The following IRAK1BP1 variants were observed in gnomAD, a reference collection of about 807,000 sequenced individuals.
The protein encoded by IRAK1BP1 is interleukin 1 receptor associated kinase 1 binding protein 1.
In IRAK1BP1, 24 loss-of-function variants were observed where a neutral mutation model predicts 28.0. The observed-to-expected ratio is 0.86, with a 90% CI of 0.62 to 1.20. The LOEUF (loss-of-function observed/expected upper bound fraction) is 1.20. Ranked by LOEUF, IRAK1BP1 falls within the 50% of genes most tolerant of loss-of-function variation. IRAK1BP1 has a pLI of 0.00. For missense variants in IRAK1BP1, 336 were observed against 316.7 expected, an observed-to-expected ratio of 1.06 and a Z score of -0.46; for synonymous variants, 131 against 116.3, an observed-to-expected ratio of 1.13 and a Z score of -0.81.
chr6:78,910,067 G>A (rs925096081), intron 4 of IRAK1BP1, among the ~76,000 whole-genome samples: 7 of 152,230 alleles, frequency 4.6e-5, no homozygotes, highest in Middle Eastern at 3.4e-3. Context: ...TAATACTAAC[G>A]ATGACCCTTC....
In IRAK1BP1 at chr6:78,871,377, C is replaced by G. The variant is rs77393841; in HGVS notation, c.315+3486C>G. On this transcript the variant is annotated intron_variant, in intron 1 of 3. Transcript: ENST00000369940. ...CCCCTTTAACCCATTGCAGTATGAG[C>G]AAGACTACTGTAAGATTCCTTTAAC... 1,115 of 985,280 alleles carry G rather than the reference C, an allele frequency of 1.1e-3. 15 individuals carry two copies. In the African/African-American group the frequency reaches 0.018, roughly 16 times the overall value. 61.0% of individuals were successfully genotyped at this position (985,280 alleles called of 1,614,324 possible). A position where few individuals can be genotyped will look rare whatever the true frequency, so the allele number is the denominator to read the frequency against.
At chr6:78,933,197 G>T (rs1042697686) in intron 4 of IRAK1BP1, among the ~76,000 whole-genome samples, 1 of 152,176 alleles carries the variant, frequency 6.6e-6, no homozygotes, top group Non-Finnish European at 1.5e-5. Context: ...ACCAATATAA[G>T]GATGTTTCAT....
At chr6:78,950,301 A>T (rs1219858198), downstream of IRAK1BP1, among the ~76,000 whole-genome samples, 1 of 152,170 alleles carries the variant, frequency 6.6e-6, no homozygotes, top group African/African-American at 2.4e-5. Flanking sequence ...ATTTCGTTAA[A>T]GGTTTTTCTT....
the IRAK1BP1 span, chr6:78,970,227 A>G: frequency 4.0e-6 from 6 of 1,487,516 alleles, no homozygotes; most frequent in Non-Finnish European, 5.6e-6. Flanking sequence ...ACCACAAAAT[A>G]GACTGCTAAA....
the IRAK1BP1 span, among the ~76,000 whole-genome samples, chr6:78,953,185 A>C: frequency 1.3e-4 from 20 of 152,282 alleles, no homozygotes; most frequent in Non-Finnish European, 2.1e-4. Context: ...TGACACTAGA[A>C]CCACTGGGGG....
At chr6:78,919,062 A>G (rs1268626104) in intron 4 of IRAK1BP1, among the ~76,000 whole-genome samples, 3 of 152,232 alleles carry the variant, frequency 2.0e-5, no homozygotes, top group Admixed American at 2.0e-4. Context: ...TCAAAACCAC[A>G]CAATTACAGG....
the IRAK1BP1 span, chr6:78,955,784 T>TG: frequency 6.0e-6 from 3 of 503,308 alleles, no homozygotes; most frequent in Non-Finnish European, 1.1e-5. Context: ...AAGTTGAAGC[T>TG]GAAGGCTTGC....
At chr6:78,974,783 T>A in the IRAK1BP1 span, among the ~76,000 whole-genome samples, 11 of 151,548 alleles carry the variant, frequency 7.3e-5, no homozygotes, top group African/African-American at 2.7e-4. Flanking sequence ...AAGAAATGGA[T>A]AAATTCCTTG....
chr6:78,968,623 GTATTA>G, the IRAK1BP1 span, among the ~76,000 whole-genome samples: 2 of 152,164 alleles, frequency 1.3e-5, no homozygotes, highest in Non-Finnish European at 1.5e-5. Context: ...AAAAGTATGT[GTATTA>G]TATTTAATCC....
intron 1 of IRAK1BP1, among the ~76,000 whole-genome samples, chr6:78,878,244 G>A (rs1250757655): frequency 6.6e-6 from 1 of 152,210 alleles, no homozygotes; most frequent in Admixed American, 6.5e-5. Context: ...GCACCTCCCA[G>A]TAGGGGCCAA....
chr6:78,914,492 C>A (rs1053421227), intron 4 of IRAK1BP1, among the ~76,000 whole-genome samples: 6 of 152,198 alleles, frequency 3.9e-5, no homozygotes, highest in Non-Finnish European at 8.8e-5. Context: ...AGATGCAAAG[C>A]ATTACGCAGT....
rs188457862 is a variant in IRAK1BP1 at position 78,902,969 on chromosome 6, T to C, written c.*4635T>C. On this transcript the variant is annotated 3_prime_UTR_variant, in exon 4 of 4. Coordinates refer to ENST00000369940, the MANE Select transcript of IRAK1BP1 (RefSeq NM_001010844.4). ...AATAAAACTCTTATAAACCTGTTTA[T>C]CAGAAGGATATTTCTGTTTCAGCAA... 21 of 1,205,414 alleles carry C rather than the reference T, an allele frequency of 1.7e-5. No individual in the cohort carries two copies. In the East Asian group the frequency reaches 5.3e-4, roughly 31 times the overall value. The allele number at this position is 1,205,414 out of a possible 1,614,324, so 74.7% of individuals were successfully genotyped here. A position where few individuals can be genotyped will look rare whatever the true frequency, so the allele number is the denominator to read the frequency against.
At chr6:78,872,475 C>T (rs1770827095) in intron 1 of IRAK1BP1, among the ~76,000 whole-genome samples, 1 of 152,176 alleles carries the variant, frequency 6.6e-6, no homozygotes, top group South Asian at 2.1e-4. Context: ...ACAGGTTAAG[C>T]ATCCCATCCA....
At chr6:78,873,374 TAA>T (rs894420524) in intron 1 of IRAK1BP1, among the ~76,000 whole-genome samples, 4 of 152,096 alleles carry the variant, frequency 2.6e-5, no homozygotes, top group African/African-American at 9.7e-5. Context: ...TTCAAAATCT[TAA>T]AGTTTTGTTT....
the IRAK1BP1 span, among the ~76,000 whole-genome samples, chr6:78,954,296 C>T: frequency 2.3e-3 from 355 of 151,632 alleles, 2 homozygotes; most frequent in African/African-American, 7.6e-3. Context: ...TAAGTAGAGA[C>T]GGGATTTCAC....
intron 2 of IRAK1BP1, among the ~76,000 whole-genome samples, chr6:78,890,952 A>G (rs139604575): frequency 4.1e-4 from 62 of 152,278 alleles, no homozygotes; most frequent in Middle Eastern, 3.4e-3. Context: ...TTTCCCTACC[A>G]TACGTGAGGA....
intron 4 of IRAK1BP1, among the ~76,000 whole-genome samples, chr6:78,918,923 C>T (rs988530878): frequency 6.6e-6 from 1 of 152,184 alleles, no homozygotes; most frequent in South Asian, 2.1e-4. Context: ...GCAAATGAAG[C>T]ATACTCCAAG....
downstream of IRAK1BP1, among the ~76,000 whole-genome samples, chr6:78,905,583 A>C (rs2127658998): frequency 6.6e-6 from 1 of 152,314 alleles, no homozygotes; most frequent in East Asian, 1.9e-4. Context: ...TTGAATGCTA[A>C]GTTTTCAGTC....
At chr6:78,948,747 A>G (rs1773971676), downstream of IRAK1BP1, among the ~76,000 whole-genome samples, 1 of 151,976 alleles carries the variant, frequency 6.6e-6, no homozygotes, top group South Asian at 2.1e-4. Flanking sequence ...GCCCGTCTTG[A>G]CCTCCCAAAG....
Sources: allele counts gnomAD v4.1 joint callset (sites outside exome capture counted in the v4.1 genomes callset), GRCh38; gene constraint gnomAD v4.1.1; transcripts MANE v1.5; gene names NCBI Gene and HGNC (gene_info 2026-07-23, HGNC 2026-07-21).